CDH12: variants seen among roughly 807,000 people sequenced by gnomAD.
CDH12 encodes the protein cadherin-12.
A neutral mutation model predicts 74.1 loss-of-function variants in CDH12; 41 were observed. The observed-to-expected ratio is 0.55, with a 90% CI of 0.43 to 0.72. The LOEUF is 0.72. Among genes scored for constraint, CDH12 ranks in the 30% least tolerant of loss-of-function variants. CDH12 has a pLI of 0.00. For missense variants in CDH12, 945 were observed against 977.2 expected (o/e 0.97, Z 0.44); for synonymous variants, 399 against 355.0 (o/e 1.12, Z -1.39).
At chr5:22,330,332 C>G (rs1739295255) in intron 3 of CDH12, among the ~76,000 whole-genome samples, 2 of 152,090 alleles carry the variant, frequency 1.3e-5, no homozygotes, top group Non-Finnish European at 2.9e-5. Flanking sequence ...AACCCTTGGG[C>G]CCTGAATAAC....
intron 1 of CDH12, among the ~76,000 whole-genome samples, chr5:22,790,495 T>C (rs962631744): frequency 6.6e-6 from 1 of 152,098 alleles, no homozygotes; most frequent in Non-Finnish European, 1.5e-5. Context: ...AAATGATCAA[T>C]GTAACTTTCA....
intron 4 of CDH12, among the ~76,000 whole-genome samples, chr5:22,198,319 T>C (rs1750734392): frequency 6.6e-6 from 1 of 151,738 alleles, no homozygotes; most frequent in Admixed American, 6.6e-5. Context: ...TAATAACTAA[T>C]AATGTTAAAA....
At chr5:21,870,755 A>G (rs1751577449) in intron 6 of CDH12, among the ~76,000 whole-genome samples, 1 of 152,164 alleles carries the variant, frequency 6.6e-6, no homozygotes, top group Non-Finnish European at 1.5e-5. Context: ...TTTTTGATAC[A>G]GTGTCTCACT....
At chr5:22,700,389 C>T (rs1742654283) in intron 1 of CDH12, among the ~76,000 whole-genome samples, 1 of 152,146 alleles carries the variant, frequency 6.6e-6, no homozygotes, top group African/African-American at 2.4e-5. Flanking sequence ...AGAATCTTCC[C>T]CTCACCACAT....
chr5:22,770,807 A>T (rs1210218988), intron 1 of CDH12, among the ~76,000 whole-genome samples: 1 of 152,094 alleles, frequency 6.6e-6, no homozygotes, highest in Admixed American at 6.6e-5. Context: ...TTTATTGTGC[A>T]TCCACTATAG....
At chr5:22,765,508 T>C (rs2127062459) in intron 1 of CDH12, among the ~76,000 whole-genome samples, 1 of 152,104 alleles carries the variant, frequency 6.6e-6, no homozygotes, top group East Asian at 1.9e-4. Flanking sequence ...TGGAGTCCCA[T>C]ACTCTTACTA....
At position 22,328,551 on chromosome 5, in the gene CDH12, G is replaced by A. The variant is rs745653980; in HGVS notation, c.-333+76706C>T. ...AACAACTTCTAACATTTCTTCAGGC[G>A]GTATTTTTAAACACTAGGTGAGAGT... On this transcript the variant is annotated intron_variant, in intron 3 of 14. Coordinates refer to ENST00000382254, the MANE Select transcript of CDH12 (RefSeq NM_004061.5). Among the ~76,000 whole-genome samples the A allele has an allele frequency of 3.9e-5, 6 of 152,052 alleles. No individual in the cohort carries two copies. In the East Asian group the frequency reaches 5.8e-4, roughly 15 times the overall value.
intron 5 of CDH12, among the ~76,000 whole-genome samples, chr5:22,033,271 G>A (rs540053105): frequency 2.0e-4 from 30 of 152,162 alleles, no homozygotes; most frequent in African/African-American, 7.2e-4. Context: ...AACCAAGCAA[G>A]GTTGGAAATA....
chr5:22,051,877 G>A (rs955915238), intron 5 of CDH12, among the ~76,000 whole-genome samples: 8 of 151,994 alleles, frequency 5.3e-5, no homozygotes, highest in East Asian at 1.9e-4. Context: ...GAGATGTTTC[G>A]GGGGAAGCAC....
intron 6 of CDH12, among the ~76,000 whole-genome samples, chr5:21,913,521 A>T (rs532447541): frequency 6.6e-6 from 1 of 152,278 alleles, no homozygotes; most frequent in East Asian, 1.9e-4. Flanking sequence ...CAGTAACTTC[A>T]TATGTTTTGT....
intron 10 of CDH12, among the ~76,000 whole-genome samples, chr5:21,795,223 A>G (rs923611026): frequency 2.0e-5 from 3 of 151,324 alleles, no homozygotes; most frequent in African/African-American, 4.9e-5. Flanking sequence ...TTTTTTTAAG[A>G]TAGCATTTCC....
chr5:22,179,072 A>T (rs1323888520), intron 4 of CDH12, among the ~76,000 whole-genome samples: 1 of 152,216 alleles, frequency 6.6e-6, no homozygotes, highest in Non-Finnish European at 1.5e-5. Flanking sequence ...GATTAAAATG[A>T]TCTCATAAAT....
intron 1 of CDH12, among the ~76,000 whole-genome samples, chr5:22,801,631 C>G (rs1238016286): frequency 1.0e-5 from 1 of 96,300 alleles, no homozygotes; most frequent in African/African-American, 3.7e-5. Flanking sequence ...CTTCACTCTG[C>G]TTATCATATA....
intron 6 of CDH12, among the ~76,000 whole-genome samples, chr5:21,865,322 G>A (rs1021722202): frequency 6.6e-6 from 1 of 152,118 alleles, no homozygotes. Context: ...TAAATGAAAA[G>A]TGTGTTTATG....
chr5:21,901,189 G>T (rs1294607007), intron 6 of CDH12, among the ~76,000 whole-genome samples: 1 of 151,886 alleles, frequency 6.6e-6, no homozygotes, highest in Non-Finnish European at 1.5e-5. Context: ...GAAAATTTTG[G>T]GGATTTTCTA....
chr5:21,959,648 A>T (rs1178875921), intron 6 of CDH12, among the ~76,000 whole-genome samples: 1 of 151,084 alleles, frequency 6.6e-6, no homozygotes, highest in Non-Finnish European at 1.5e-5. Flanking sequence ...GGTGGCTCAC[A>T]CCTGTAATCC....
chr5:22,585,328 T>G (rs1740328694), intron 1 of CDH12, among the ~76,000 whole-genome samples: 1 of 152,196 alleles, frequency 6.6e-6, no homozygotes, highest in Non-Finnish European at 1.5e-5. Context: ...ATTTTCTTTT[T>G]GTCTTTGATT....
intron 5 of CDH12, among the ~76,000 whole-genome samples, chr5:22,009,980 A>G (rs1737208527): frequency 6.6e-6 from 1 of 151,106 alleles, no homozygotes; most frequent in African/African-American, 2.4e-5. Flanking sequence ...AAGAAAAAAG[A>G]GAAAGAAGGA....
chr5:22,578,285 G>A (rs1739894534), intron 1 of CDH12, among the ~76,000 whole-genome samples: 1 of 151,614 alleles, frequency 6.6e-6, no homozygotes, highest in Admixed American at 6.6e-5. Flanking sequence ...TCTTAAAATT[G>A]CTCATGTTCC....
Sources: allele counts gnomAD v4.1 joint callset (sites outside exome capture counted in the v4.1 genomes callset), GRCh38; gene constraint gnomAD v4.1.1; transcripts MANE v1.5; gene names NCBI Gene and HGNC (gene_info 2026-07-23, HGNC 2026-07-21).